SHANK2: variants seen among roughly 807,000 people sequenced by gnomAD.
SHANK2 encodes the protein SH3 and multiple ankyrin repeat domains 2.
In SHANK2, 43 loss-of-function variants were observed where a neutral mutation model predicts 133.7. The observed-to-expected ratio is 0.32, with a 90% confidence interval of 0.25 to 0.41. SHANK2 has a LOEUF of 0.41. Among genes scored for constraint, SHANK2 ranks in the 10% least tolerant of loss-of-function variants. The pLI, the probability that SHANK2 is intolerant of heterozygous loss-of-function variation, is 1.00. For missense variants in SHANK2, 1,994 were observed against 2,235.8 expected, an observed-to-expected ratio of 0.89 and a Z score of 2.18; for synonymous variants, 1,017 against 952.8, an observed-to-expected ratio of 1.07 and a Z score of -1.24.
chr11:70,951,363 C>T (rs59301426), intron 10 of SHANK2, among the ~76,000 whole-genome samples: 10 of 151,626 alleles, frequency 6.6e-5, no homozygotes, highest in East Asian at 5.8e-4. Context: ...TTTCCCCTGG[C>T]GGCTGGGTGG....
intron 11 of SHANK2, among the ~76,000 whole-genome samples, chr11:70,823,867 G>T (rs1555056681): frequency 6.6e-6 from 1 of 151,246 alleles, no homozygotes; most frequent in Non-Finnish European, 1.5e-5. Flanking sequence ...GGACAGAGGT[G>T]GCACTGGCAA....
At chr11:70,531,647 T>C (rs1315657003) in intron 17 of SHANK2, among the ~76,000 whole-genome samples, 1 of 152,156 alleles carries the variant, frequency 6.6e-6, no homozygotes, top group Admixed American at 6.5e-5. Flanking sequence ...GGCATTTTGC[T>C]GCGCCTCTGC....
intron 17 of SHANK2, among the ~76,000 whole-genome samples, chr11:70,623,810 A>G (rs1465953103): frequency 6.6e-6 from 1 of 152,198 alleles, no homozygotes; most frequent in South Asian, 2.1e-4. Flanking sequence ...AGAAAGTTCT[A>G]CCAGACAGAG....
At chr11:70,861,322 A>C (rs1949255093) in intron 11 of SHANK2, among the ~76,000 whole-genome samples, 1 of 152,206 alleles carries the variant, frequency 6.6e-6, no homozygotes, top group Non-Finnish European at 1.5e-5. Flanking sequence ...AATGCTTTTA[A>C]AACACTATAA....
At chr11:70,857,541 C>T (rs1215572785) in intron 11 of SHANK2, among the ~76,000 whole-genome samples, 1 of 152,136 alleles carries the variant, frequency 6.6e-6, no homozygotes, top group Non-Finnish European at 1.5e-5. Context: ...CTGATAAAGA[C>T]CTTGGTGCCT....
At chr11:71,236,419 C>G (rs1954826842) in intron 1 of SHANK2, among the ~76,000 whole-genome samples, 1 of 152,176 alleles carries the variant, frequency 6.6e-6, no homozygotes, top group African/African-American at 2.4e-5. Flanking sequence ...CTAGACCAGC[C>G]TGGCCAACAT....
intron 17 of SHANK2, among the ~76,000 whole-genome samples, chr11:70,554,774 C>T (rs2059808422): frequency 6.6e-6 from 1 of 152,084 alleles, no homozygotes; most frequent in Admixed American, 6.6e-5. Context: ...ATGGCTGTGC[C>T]CCATCTTTCA....
chr11:70,714,959 C>T (rs1213899399), intron 14 of SHANK2, among the ~76,000 whole-genome samples: 1 of 151,746 alleles, frequency 6.6e-6, no homozygotes, highest in African/African-American at 2.4e-5. Flanking sequence ...GTGTGCACCA[C>T]CACACTTGGC....
At chr11:70,880,465 G>A (rs1159070511) in intron 11 of SHANK2, among the ~76,000 whole-genome samples, 1 of 152,214 alleles carries the variant, frequency 6.6e-6, no homozygotes, top group Non-Finnish European at 1.5e-5. Context: ...TGAGCTGCCT[G>A]GAAGGGGCTT....
rs141118155 is a variant in SHANK2 at position 70,490,364 on chromosome 11, G to A, written c.2463C>T (p.Ile821=). The A allele has an allele frequency of 2.5e-5, 41 of 1,614,076 alleles. No homozygotes were observed. Among genetic ancestry groups the A allele is most frequent in the Non-Finnish European group, 3.4e-5 (40 of 1,180,016 alleles). The change falls in exon 23 of 26, where the codon ATC becomes ATT. Residue 821 remains isoleucine, a synonymous_variant. Transcript: ENST00000601538. ...CAGGAACAGTGGGCGTCATCACGGCGATTCCTTGGCGTTCGTACACAGACT... is the reference window on the plus strand; with the variant it reads ...CAGGAACAGTGGGCGTCATCACGGCAATTCCTTGGCGTTCGTACACAGACT... ...DMNSVYERQG[I]AVMTPTVPGS... is the part of the protein sequence containing the mutation.
At chr11:70,623,513 T>C (rs1210164120) in intron 17 of SHANK2, among the ~76,000 whole-genome samples, 1 of 152,144 alleles carries the variant, frequency 6.6e-6, no homozygotes, top group Non-Finnish European at 1.5e-5. Flanking sequence ...ACACGGCCCA[T>C]GGCAGGTGCT....
chr11:70,632,323 T>C (rs186840301), intron 17 of SHANK2, among the ~76,000 whole-genome samples: 1 of 151,894 alleles, frequency 6.6e-6, no homozygotes, highest in African/African-American at 2.4e-5. Flanking sequence ...GACGGGGTTT[T>C]ACCGTGTTAG....
intron 14 of SHANK2, among the ~76,000 whole-genome samples, chr11:70,780,960 C>A (rs1947471476): frequency 6.6e-6 from 1 of 152,108 alleles, no homozygotes; most frequent in Admixed American, 6.5e-5. Flanking sequence ...TCCCTCTTAA[C>A]AGTGACCTAC....
chr11:71,079,017 C>T (rs967226099), intron 8 of SHANK2, among the ~76,000 whole-genome samples: 40 of 152,326 alleles, frequency 2.6e-4, no homozygotes, highest in African/African-American at 9.4e-4. Context: ...TTTGGGCTCA[C>T]CTGCCCTGCA....
intron 9 of SHANK2, among the ~76,000 whole-genome samples, chr11:71,062,092 A>AT (rs1252332131): frequency 2.0e-5 from 3 of 148,040 alleles, no homozygotes; most frequent in Non-Finnish European, 4.4e-5. Flanking sequence ...AGTAGCTAGG[A>AT]TTACAGGCGC....
chr11:70,919,267 T>C (rs1320095664), intron 10 of SHANK2, among the ~76,000 whole-genome samples: 1 of 152,176 alleles, frequency 6.6e-6, no homozygotes, highest in African/African-American at 2.4e-5. Flanking sequence ...GACCATCTTT[T>C]TGTGGTGAGA....
chr11:70,507,216 G>A (rs1253421047), intron 17 of SHANK2, among the ~76,000 whole-genome samples: 2 of 152,190 alleles, frequency 1.3e-5, no homozygotes, highest in African/African-American at 4.8e-5. Context: ...GCTTGAGGGG[G>A]CATTGGATTT....
intron 2 of SHANK2, among the ~76,000 whole-genome samples, chr11:71,173,392 G>T (rs1039144203): frequency 6.6e-6 from 1 of 152,228 alleles, no homozygotes; most frequent in African/African-American, 2.4e-5. Flanking sequence ...GTGGCTGCTG[G>T]CCTGGCCTCA....
intron 11 of SHANK2, among the ~76,000 whole-genome samples, chr11:70,845,198 C>CAAAAAAAAAAAAAAAAAAA (rs782471301): frequency 9.7e-5 from 5 of 51,574 alleles, no homozygotes; most frequent in Non-Finnish European, 1.5e-4. Context: ...GACTCTGTCT[C>CAAAAAAAAAAAAAAAAAAA]AAAAAAAAAA....
Sources: allele counts gnomAD v4.1 joint callset (sites outside exome capture counted in the v4.1 genomes callset), GRCh38; gene constraint gnomAD v4.1.1; transcripts MANE v1.5; gene names NCBI Gene and HGNC (gene_info 2026-07-23, HGNC 2026-07-21).